SLC25A21: variants seen among roughly 807,000 people sequenced by gnomAD.
SLC25A21 encodes the protein solute carrier family 25 member 21, also known as mitochondrial 2-oxodicarboxylate carrier.
Under a neutral mutation model 43.8 loss-of-function variants are expected in SLC25A21, and 47 were observed. That is an observed-to-expected ratio of 1.07 (90% confidence interval 0.85 to 1.37). The LOEUF is 1.37. Ranked by LOEUF, SLC25A21 falls within the 40% of genes most tolerant of loss-of-function variation. The probability of loss-of-function intolerance (pLI) is 0.00; values close to 1 mark genes in which losing one functional copy is unlikely to be tolerated. For synonymous variants in SLC25A21, 131 were observed against 121.3 expected, an observed-to-expected ratio of 1.08 and a Z score of -0.52; for missense variants, 352 against 350.2, an observed-to-expected ratio of 1.00 and a Z score of -0.04.
At chr14:36,929,891 C>T (rs1013380192) in intron 1 of SLC25A21, among the ~76,000 whole-genome samples, 3 of 152,122 alleles carry the variant, frequency 2.0e-5, no homozygotes, top group Non-Finnish European at 2.9e-5. Context: ...CACCATATTA[C>T]CTCCAATATT....
chr14:36,731,224 C>T (rs909776005), intron 4 of SLC25A21, among the ~76,000 whole-genome samples: 6 of 152,160 alleles, frequency 3.9e-5, no homozygotes, highest in African/African-American at 9.6e-5. Context: ...CCGACCGCCT[C>T]GGCCTCCCAA....
chr14:37,093,342 T>G (rs1388695071), intron 1 of SLC25A21, among the ~76,000 whole-genome samples: 7 of 152,348 alleles, frequency 4.6e-5, no homozygotes, highest in South Asian at 4.1e-4. Context: ...TTCTTTAGTA[T>G]CCTTAACTCC....
chr14:36,982,632 T>C (rs1960054832), intron 1 of SLC25A21, among the ~76,000 whole-genome samples: 1 of 152,010 alleles, frequency 6.6e-6, no homozygotes, highest in African/African-American at 2.4e-5. Flanking sequence ...CTGACCAACA[T>C]GGCAAAACCC....
chr14:36,827,575 G>A (rs1888878677), intron 2 of SLC25A21, among the ~76,000 whole-genome samples: 2 of 152,032 alleles, frequency 1.3e-5, no homozygotes. Flanking sequence ...ATAAGGCAAG[G>A]GAAGAAATGA....
chr14:36,911,191 T>G (rs1310939162), intron 1 of SLC25A21, among the ~76,000 whole-genome samples: 1 of 152,224 alleles, frequency 6.6e-6, no homozygotes, highest in African/African-American at 2.4e-5. Context: ...CTACTGAAAC[T>G]GGCTTACTTT....
At chr14:36,814,100 C>T (rs182213960) in intron 2 of SLC25A21, 99 bp from the exon 3 acceptor site, 1 of 716,416 alleles carries the variant, frequency 1.4e-6, no homozygotes, top group Admixed American at 3.0e-5. Flanking sequence ...TCAGATTAAT[C>T]TAGAATATTC....
At position 37,172,435 on chromosome 14, in the gene SLC25A21, C is replaced by G; in HGVS notation, c.-85G>C. 7.1e-7 allele frequency: 1 copy of G among 1,413,606 alleles called. No homozygotes were observed. The highest frequency in any genetic ancestry group is 1.4e-5 in the African/African-American group (1 of 70,514). 87.6% of individuals were successfully genotyped at this position (1,413,606 alleles called of 1,614,324 possible). A position where few individuals can be genotyped will look rare whatever the true frequency, so the allele number is the denominator to read the frequency against. ...CACAGCCTACTGATCCAGAGAGCCCCGGCTGGGCTGGTCCTCAAGCGCGTT... is the reference window on the plus strand; with the variant it reads ...CACAGCCTACTGATCCAGAGAGCCCGGGCTGGGCTGGTCCTCAAGCGCGTT... On this transcript the variant is annotated 5_prime_UTR_variant, in exon 1 of 10. Coordinates refer to ENST00000331299, the MANE Select transcript of SLC25A21 (RefSeq NM_030631.4).
chr14:37,048,508 A>C (rs936910075), intron 1 of SLC25A21, among the ~76,000 whole-genome samples: 1 of 152,126 alleles, frequency 6.6e-6, no homozygotes, highest in African/African-American at 2.4e-5. Flanking sequence ...CTACATTTTA[A>C]GGAGAAAGTG....
rs1962794232 is a variant in SLC25A21, at chr14:37,100,365, C to A, written c.70+71916G>T. 3.3e-5 allele frequency among the ~76,000 whole-genome samples: 5 copies of A among 152,032 alleles called. No individual in the cohort carries two copies. In the South Asian group the frequency reaches 1.0e-3, roughly 32 times the overall value. ...GAGCCACCATGCCTGGCTGCCACCA[C>A]CTCTAGGAAGGCTTCCCTCTTTGCT... On this transcript the variant is annotated intron_variant, in intron 1 of 9. Coordinates refer to ENST00000331299, the MANE Select transcript of SLC25A21 (RefSeq NM_030631.4).
intron 1 of SLC25A21, among the ~76,000 whole-genome samples, chr14:37,161,765 G>A (rs10146734): frequency 6.6e-6 from 1 of 151,396 alleles, no homozygotes; most frequent in Admixed American, 6.6e-5. Context: ...CCAAGACCAT[G>A]CTGGCTAACA....
chr14:36,779,482 TATA>T (rs1398025539), intron 3 of SLC25A21, among the ~76,000 whole-genome samples: 10 of 145,194 alleles, frequency 6.9e-5, no homozygotes, highest in South Asian at 2.1e-4. Flanking sequence ...TACACATATA[TATA>T]ATAATAAACA....
intron 1 of SLC25A21, among the ~76,000 whole-genome samples, chr14:36,888,512 T>C (rs1890987601): frequency 1.3e-5 from 2 of 151,978 alleles, no homozygotes. Flanking sequence ...TCTATATATG[T>C]TCTGTAATGT....
intron 1 of SLC25A21, among the ~76,000 whole-genome samples, chr14:37,154,720 G>A (rs372993017): frequency 6.7e-6 from 1 of 149,926 alleles, no homozygotes; most frequent in South Asian, 2.1e-4. Context: ...TCAGCTCACT[G>A]TAACTTCCAC....
chr14:36,995,074 C>A (rs1960342519), intron 1 of SLC25A21, among the ~76,000 whole-genome samples: 1 of 152,160 alleles, frequency 6.6e-6, no homozygotes, highest in Non-Finnish European at 1.5e-5. Context: ...CCTTTCACGT[C>A]TGGCCTGAGT....
At chr14:36,787,357 T>C (rs1332064236) in intron 3 of SLC25A21, among the ~76,000 whole-genome samples, 1 of 152,192 alleles carries the variant, frequency 6.6e-6, no homozygotes, top group African/African-American at 2.4e-5. Context: ...CTCAGAACTG[T>C]CATCTTTAAT....
At chr14:37,070,770 A>G (rs1385637902) in intron 1 of SLC25A21, among the ~76,000 whole-genome samples, 2 of 152,220 alleles carry the variant, frequency 1.3e-5, no homozygotes, top group African/African-American at 4.8e-5. Flanking sequence ...GGAAGTGATT[A>G]AGATACTTGT....
intron 1 of SLC25A21, among the ~76,000 whole-genome samples, chr14:37,047,938 A>C (rs564661851): frequency 3.9e-5 from 6 of 152,344 alleles, no homozygotes; most frequent in Non-Finnish European, 8.8e-5. Context: ...TCATAAAAGG[A>C]ATCTATACAT....
At chr14:36,689,873 T>A (rs975885196) in intron 7 of SLC25A21, among the ~76,000 whole-genome samples, 4 of 152,210 alleles carry the variant, frequency 2.6e-5, no homozygotes, top group Admixed American at 1.3e-4. Flanking sequence ...CCTCTTTGGA[T>A]CCTTGGGCTG....
rs187201763 is a variant in SLC25A21 at position 36,678,169 on chromosome 14, G to C, written c.*2489C>G. On this transcript the variant is annotated 3_prime_UTR_variant, in exon 10 of 10. Coordinates refer to ENST00000331299, the MANE Select transcript of SLC25A21 (RefSeq NM_030631.4). ...CTGTGCACAGTCTACATGGCAATGC[G>C]GTTCCACCACATCGGTTTCGTGGCT... The C allele has an allele frequency of 4.4e-5, 18 of 411,850 alleles. No individual in the cohort carries two copies. The highest frequency in any genetic ancestry group is 3.2e-4 in the African/African-American group (16 of 50,474). 25.5% of individuals were successfully genotyped at this position (411,850 alleles called of 1,614,324 possible). A position where few individuals can be genotyped will look rare whatever the true frequency, so the allele number is the denominator to read the frequency against.
Sources: gnomAD v4.1 joint callset for allele counts (sites outside exome capture counted in the v4.1 genomes callset) on GRCh38, gnomAD v4.1.1 for gene constraint, MANE v1.5 for transcripts, NCBI Gene and HGNC (gene_info 2026-07-23, HGNC 2026-07-21) for gene names.